The following PDXDC1 variants were observed in gnomAD, a reference collection of about 807,000 sequenced individuals.
PDXDC1 encodes pyridoxal-dependent decarboxylase domain-containing protein 1.
PDXDC1 carries 42 observed loss-of-function variants against 100.1 expected under a neutral mutation model. That is an observed-to-expected ratio of 0.42 (90% CI 0.33 to 0.54). The LOEUF (loss-of-function observed/expected upper bound fraction) is 0.54. Among genes scored for constraint, PDXDC1 ranks in the 20% least tolerant of loss-of-function variants. The probability of loss-of-function intolerance (pLI) is 0.10; values close to 1 mark genes in which losing one functional copy is unlikely to be tolerated. For missense variants in PDXDC1, 636 were observed against 979.2 expected, an observed-to-expected ratio of 0.65 and a Z score of 4.68; for synonymous variants, 260 against 371.7, an observed-to-expected ratio of 0.70 and a Z score of 3.46.
At chr16:15,140,500 AAGAAAG>A (rs1278976727), downstream of PDXDC1, among the ~76,000 whole-genome samples, 1 of 151,974 alleles carries the variant, frequency 6.6e-6, no homozygotes. Flanking sequence ...GGAGGGAGGA[AAGAAAG>A]AGAAAACTCC....
intron 16 of PDXDC1, among the ~76,000 whole-genome samples, chr16:15,080,517 C>A (rs898373474): frequency 1.3e-4 from 20 of 152,142 alleles, no homozygotes; most frequent in African/African-American, 4.8e-4. Context: ...TCACTGCAAC[C>A]CTGAATTCCC....
intron 1 of PDXDC1, among the ~76,000 whole-genome samples, chr16:14,981,720 A>G (rs545489779): frequency 7.2e-4 from 110 of 152,382 alleles, no homozygotes; most frequent in African/African-American, 2.5e-3. Flanking sequence ...GAGTCAAGTG[A>G]TTAGAGGCTT....
At position 15,012,751 on chromosome 16, in the gene PDXDC1, C is replaced by T. The variant is rs577453787; in HGVS notation, c.727+2992C>T. Among the ~76,000 whole-genome samples the T allele has an allele frequency of 5.9e-5, 9 of 152,264 alleles. No homozygotes were observed. The East Asian group carries it at 1.6e-3, about 26-fold the overall frequency. On this transcript the variant is annotated intron_variant, in intron 8 of 22. Transcript: ENST00000396410. ...CCTGTAGTCCCAGCTACTCCAGAGG[C>T]TTTGGTGGGAGGTTGGCTTGAACCC...
intron 16 of PDXDC1, among the ~76,000 whole-genome samples, chr16:15,049,722 G>C (rs1318750039): frequency 1.3e-5 from 2 of 152,284 alleles, no homozygotes; most frequent in South Asian, 2.1e-4. Flanking sequence ...ACCATGCCCA[G>C]CCCCCTGTGT....
chr16:15,152,044 G>A, the PDXDC1 span, among the ~76,000 whole-genome samples: 6 of 149,428 alleles, frequency 4.0e-5, 1 homozygote, highest in Non-Finnish European at 9.0e-5. Context: ...CTCTGCCCAC[G>A]TCTCCCCACG....
intron 5 of PDXDC1, among the ~76,000 whole-genome samples, chr16:15,004,739 A>G (rs537763570): frequency 6.6e-6 from 1 of 152,356 alleles, no homozygotes; most frequent in African/African-American, 2.4e-5. Flanking sequence ...CCCTATGGAT[A>G]AAAAAATTCA....
At chr16:15,116,501 A>AG (rs1334173131) in intron 16 of PDXDC1, among the ~76,000 whole-genome samples, 2 of 136,028 alleles carry the variant, frequency 1.5e-5, no homozygotes, top group Non-Finnish European at 1.6e-5. Context: ...AAAAAAAAAA[A>AG]ATTACCAAGG....
chr16:14,992,367 C>T (rs1428038528), intron 1 of PDXDC1, among the ~76,000 whole-genome samples: 1 of 152,396 alleles, frequency 6.6e-6, no homozygotes, highest in Admixed American at 6.5e-5. Context: ...ACACTATGGT[C>T]GTTGGGAGCA....
chr16:15,072,534 G>T (rs2045280669), intron 16 of PDXDC1, among the ~76,000 whole-genome samples: 1 of 152,130 alleles, frequency 6.6e-6, no homozygotes, highest in Admixed American at 6.5e-5. Context: ...AGGCACAGTT[G>T]TTCACACCTG....
chr16:15,087,750 T>A (rs948567325), intron 16 of PDXDC1, among the ~76,000 whole-genome samples: 3 of 152,158 alleles, frequency 2.0e-5, no homozygotes, highest in African/African-American at 7.2e-5. Context: ...TAAAATAAAC[T>A]ATCCTATCTC....
chr16:15,127,231 T>G (rs555178592), intron 16 of PDXDC1: 53 of 450,730 alleles, frequency 1.2e-4, no homozygotes, highest in South Asian at 9.5e-4. Flanking sequence ...TGCTGTGCAG[T>G]TGTCCGTGGC....
At chr16:14,993,592 A>G (rs553509825) in intron 1 of PDXDC1, among the ~76,000 whole-genome samples, 28 of 152,404 alleles carry the variant, frequency 1.8e-4, no homozygotes, top group African/African-American at 6.3e-4. Context: ...GAATAGTGCC[A>G]CAATAAACAT....
At chr16:15,017,694 G>C (rs1455455506) in intron 11 of PDXDC1, among the ~76,000 whole-genome samples, 1 of 152,222 alleles carries the variant, frequency 6.6e-6, no homozygotes, top group African/African-American at 2.4e-5. Context: ...ACGTCTTTCT[G>C]TGTTTCTAAT....
At chr16:15,020,001 G>A (rs1474883501) in intron 12 of PDXDC1, among the ~76,000 whole-genome samples, 1 of 151,926 alleles carries the variant, frequency 6.6e-6, no homozygotes, top group African/African-American at 2.4e-5. Context: ...AGTCCCAGCT[G>A]CTCAGGAGGC....
rs1363797079 is a variant in PDXDC1 at position 15,135,321 on chromosome 16, C to A, written c.1400-3558C>A. ...TCCTCCTTGCGGCCGGCCTTCCACA[C>A]GGTGAGGCTGAAGGTGTACTCCACG... On this transcript the variant is annotated intron_variant, in intron 16 of 16. Transcript: ENST00000535621. 53 of 1,533,696 alleles carry A rather than the reference C, an allele frequency of 3.5e-5. No homozygotes were observed. The East Asian group carries it at 1.2e-3, about 33-fold the overall frequency.
intron 16 of PDXDC1, among the ~76,000 whole-genome samples, chr16:15,100,033 A>G (rs917650050): frequency 2.6e-5 from 4 of 152,332 alleles, no homozygotes; most frequent in African/African-American, 7.2e-5. Flanking sequence ...TCATTGGCCA[A>G]TTTGGATAAG....
At chr16:15,150,433 G>T in the PDXDC1 span, among the ~76,000 whole-genome samples, 1 of 151,410 alleles carries the variant, frequency 6.6e-6, no homozygotes, top group Non-Finnish European at 1.5e-5. Flanking sequence ...GGGAGGCCGA[G>T]GCAAGCAGAT....
In PDXDC1 at chr16:15,135,439, G is replaced by A. The variant is rs936669163; in HGVS notation, c.1400-3440G>A. On this transcript the variant is annotated intron_variant, in intron 16 of 16. Coordinates refer to the PDXDC1 transcript ENST00000535621. ...ACCCGCCAGCCTCCCTCTGCAGGCC[G>A]AGAACAAGGGGCGACGTGGCCCGAG... 2.3e-4 allele frequency: 291 copies of A among 1,255,624 alleles called. 2 individuals are homozygous for A. In the East Asian group the frequency reaches 2.5e-3, roughly 11 times the overall value. The allele number at this position is 1,255,624 out of a possible 1,614,324, so 77.8% of individuals were successfully genotyped here.
Position 15,133,918 on chromosome 16 carries a change from C to T in PDXDC1, c.1400-4961C>T, listed in dbSNP as rs551067839. On this transcript the variant is annotated intron_variant, in intron 16 of 16. Transcript: ENST00000535621. ...GGGATGGAGGCGCAGCCCTCCTCCT[C>T]GCCAGAGCGGCCCAGCACCGTCAGC... 1.5e-3 allele frequency: 2,145 copies of T among 1,471,632 alleles called. 4 individuals carry two copies. The highest frequency in any genetic ancestry group is 4.8e-3 in the South Asian group (413 of 85,552). 91.2% of individuals were successfully genotyped at this position (1,471,632 alleles called of 1,614,324 possible). A position where few individuals can be genotyped will look rare whatever the true frequency, so the allele number is the denominator to read the frequency against.
Sources: allele counts gnomAD v4.1 joint callset (sites outside exome capture counted in the v4.1 genomes callset), GRCh38; gene constraint gnomAD v4.1.1; transcripts MANE v1.5; gene names NCBI Gene and HGNC (gene_info 2026-07-23, HGNC 2026-07-21).